TMPRSS7: variants seen among roughly 807,000 people sequenced by gnomAD.
The protein encoded by TMPRSS7 is transmembrane serine protease 7.
TMPRSS7 carries 81 observed loss-of-function variants against 95.6 expected under a neutral mutation model. The observed-to-expected ratio is 0.85, with a 90% CI of 0.71 to 1.02. The LOEUF (loss-of-function observed/expected upper bound fraction) is 1.02, where lower values mean the gene tolerates loss of function less well. TMPRSS7 is among the 50% of genes least tolerant of loss of function. The pLI, the probability that TMPRSS7 is intolerant of heterozygous loss-of-function variation, is 0.00. For synonymous variants in TMPRSS7, 364 were observed against 337.8 expected, an observed-to-expected ratio of 1.08 and a Z score of -0.85; for missense variants, 945 against 955.2, an observed-to-expected ratio of 0.99 and a Z score of 0.14.
intron 13 of TMPRSS7, among the ~76,000 whole-genome samples, chr3:112,073,234 G>C (rs952617247): frequency 1.3e-5 from 2 of 151,728 alleles, no homozygotes; most frequent in Non-Finnish European, 2.9e-5. Flanking sequence ...TGGGATTACT[G>C]GTGCACACCA....
chr3:112,078,706 C>A, intron 16 of TMPRSS7, 36 bp from the exon 17 acceptor site: 2 of 1,612,780 alleles, frequency 1.2e-6, no homozygotes, highest in Non-Finnish European at 1.7e-6. Flanking sequence ...CGGCCATTAC[C>A]ACTAACATCA....
chr3:112,069,186 G>A (rs1184585699), intron 13 of TMPRSS7, among the ~76,000 whole-genome samples: 2 of 152,178 alleles, frequency 1.3e-5, no homozygotes, highest in East Asian at 3.8e-4. Context: ...CTTGATCATG[G>A]TGGATAAGCT....
At chr3:112,062,366 A>G (rs2107752894) in intron 11 of TMPRSS7, among the ~76,000 whole-genome samples, 1 of 152,286 alleles carries the variant, frequency 6.6e-6, no homozygotes, top group South Asian at 2.1e-4. Context: ...GAGTTCAAAT[A>G]TCAGCCCTCA....
intron 2 of TMPRSS7, chr3:112,039,780 G>A (rs1373988951): frequency 6.6e-6 from 1 of 152,214 alleles, no homozygotes; most frequent in African/African-American, 2.4e-5. Flanking sequence ...AGTTCTGTGA[G>A]TCATTTTAGC....
chr3:112,071,705 G>C (rs55715811), intron 13 of TMPRSS7, among the ~76,000 whole-genome samples: 6 of 152,144 alleles, frequency 3.9e-5, no homozygotes, highest in African/African-American at 7.2e-5. Flanking sequence ...TTGATCTTCA[G>C]TCACTGATAC....
chr3:112,064,158 G>A (rs193276043), intron 12 of TMPRSS7, among the ~76,000 whole-genome samples: 3 of 152,284 alleles, frequency 2.0e-5, no homozygotes, highest in Admixed American at 6.5e-5. Flanking sequence ...ACCACGGGGA[G>A]TAAAGATCTG....
intron 2 of TMPRSS7, among the ~76,000 whole-genome samples, chr3:112,041,637 T>C (rs572902773): frequency 6.6e-6 from 1 of 152,294 alleles, no homozygotes; most frequent in Admixed American, 6.5e-5. Context: ...AGGGTATATA[T>C]GGGCCACAGA....
intron 9 of TMPRSS7, among the ~76,000 whole-genome samples, chr3:112,051,668 C>CTATCTATCTATCT (rs61097993): frequency 0.069 from 8,828 of 127,682 alleles, 292 homozygotes; most frequent in Non-Finnish European, 0.075. Context: ...ATCTATCTAT[C>CTATCTATCTATCT]ATCTATCTAT....
At chr3:112,063,468 A>T in intron 11 of TMPRSS7, 57 bp from the exon 12 acceptor site, 1 of 1,334,226 alleles carries the variant, frequency 7.5e-7, no homozygotes, top group Non-Finnish European at 1.1e-6. Flanking sequence ...AATGTGGTCT[A>T]GTGATTTCAG....
chr3:112,058,646 A>G (rs534413147), intron 10 of TMPRSS7, among the ~76,000 whole-genome samples: 1 of 152,362 alleles, frequency 6.6e-6, no homozygotes, highest in East Asian at 1.9e-4. Flanking sequence ...TTTAATTAAA[A>G]TAGAGATTTG....
At position 112,061,801 on chromosome 3, in the gene TMPRSS7, A is replaced by T. The variant is rs777386661; in HGVS notation, c.1325A>T (p.Tyr442Phe). 4.3e-6 allele frequency: 7 copies of T among 1,609,256 alleles called. No homozygotes were observed. Among genetic ancestry groups the T allele is most frequent in the Non-Finnish European group, 5.1e-6 (6 of 1,177,492 alleles). Residue 442 changes from tyrosine to phenylalanine, a missense_variant, in exon 11 of 18, where the codon TAC (tyrosine) becomes TTC (phenylalanine). Physicochemically the swap from Tyr to Phe is conservative, Grantham distance 22 (BLOSUM62 3). Coordinates refer to ENST00000452346, the Ensembl canonical transcript of TMPRSS7. ...TGTCTCCCCAGGTACTGTGGCTCCT[A>T]CATGGATCATCAGACAATTTTTCGA...
chr3:112,047,507 C>T, intron 6 of TMPRSS7: 1 of 639,970 alleles, frequency 1.6e-6, no homozygotes, highest in African/African-American at 1.8e-5. Context: ...ATGTGCCCAC[C>T]TCTGAAACTA....
At chr3:112,038,451 C>T in intron 2 of TMPRSS7, 130 bp downstream of exon 2, 1 of 599,232 alleles carries the variant, frequency 1.7e-6, no homozygotes. Context: ...TACACCATTT[C>T]CAAAACTGGT....
intron 14 of TMPRSS7, 135 bp downstream of exon 14, chr3:112,074,547 C>T (rs1397032199): frequency 3.7e-6 from 2 of 545,680 alleles, no homozygotes; most frequent in African/African-American, 1.9e-5. Flanking sequence ...TAACTATTGA[C>T]AAACTGAGTC....
chr3:112,065,641 C>G (rs1470740521), intron 12 of TMPRSS7, among the ~76,000 whole-genome samples: 1 of 152,166 alleles, frequency 6.6e-6, no homozygotes, highest in Non-Finnish European at 1.5e-5. Context: ...AATTTTAGGG[C>G]AGCAATATCC....
At chr3:112,034,814 C>T (rs2073140237), upstream of TMPRSS7, 3 of 702,652 alleles carry the variant, frequency 4.3e-6, no homozygotes, top group East Asian at 5.4e-5. Flanking sequence ...CTTTGAGACA[C>T]CCCTGGATGA....
intron 15 of TMPRSS7, among the ~76,000 whole-genome samples, chr3:112,076,265 A>C (rs1439100262): frequency 6.6e-6 from 1 of 152,152 alleles, no homozygotes; most frequent in Non-Finnish European, 1.5e-5. Flanking sequence ...TGGAGATTAC[A>C]AGTTCTTCTG....
intron 15 of TMPRSS7, among the ~76,000 whole-genome samples, chr3:112,076,247 G>T (rs139696480): frequency 1.3e-5 from 2 of 152,106 alleles, no homozygotes; most frequent in South Asian, 4.1e-4. Context: ...GGAGATGGAC[G>T]CTTCACATGG....
At chr3:112,050,732 A>G (rs2073336959) in exon 9 of TMPRSS7, 3 of 1,605,010 alleles carry the variant, frequency 1.9e-6, no homozygotes, top group South Asian at 2.2e-5. Flanking sequence ...TTTCAAGCCC[A>G]TATTACCCGA....
Sources: gnomAD v4.1 joint callset for allele counts (sites outside exome capture counted in the v4.1 genomes callset) on GRCh38, gnomAD v4.1.1 for gene constraint, MANE v1.5 for transcripts, NCBI Gene and HGNC (gene_info 2026-07-23, HGNC 2026-07-21) for gene names.